Variants in SHISA9 observed in about 807,000 individuals in gnomAD.
SHISA9 encodes the protein protein shisa-9.
In SHISA9, 13 loss-of-function variants were observed where a neutral mutation model predicts 38.0. That is an observed-to-expected ratio of 0.34 (90% CI 0.22 to 0.54). The LOEUF is 0.54. SHISA9 is among the 20% of genes least tolerant of loss of function. SHISA9 has a pLI of 0.91. For missense variants in SHISA9, 538 were observed against 575.8 expected, an observed-to-expected ratio of 0.93 and a Z score of 0.67; for synonymous variants, 275 against 242.0, an observed-to-expected ratio of 1.14 and a Z score of -1.27.
the SHISA9 span, among the ~76,000 whole-genome samples, chr16:13,294,167 G>A: frequency 3.3e-5 from 5 of 152,098 alleles, no homozygotes; most frequent in African/African-American, 1.2e-4. Context: ...GGGTTTCATT[G>A]GCCAGTTTAT....
chr16:13,338,068 C>A, the SHISA9 span, among the ~76,000 whole-genome samples: 1 of 152,132 alleles, frequency 6.6e-6, no homozygotes, highest in Non-Finnish European at 1.5e-5. Context: ...AAAGAGGCAC[C>A]ACCTTTACTC....
At chr16:13,249,021 C>T in the SHISA9 span, among the ~76,000 whole-genome samples, 2 of 152,152 alleles carry the variant, frequency 1.3e-5, no homozygotes, top group Non-Finnish European at 2.9e-5. Flanking sequence ...TACTCTGGCT[C>T]ATTGCATGTT....
chr16:13,037,965 A>G (rs559763813), intron 2 of SHISA9, among the ~76,000 whole-genome samples: 3 of 152,270 alleles, frequency 2.0e-5, no homozygotes, highest in East Asian at 3.9e-4. Context: ...GCATCGTGCT[A>G]TGCTGAACTT....
At chr16:13,285,251 C>A in the SHISA9 span, among the ~76,000 whole-genome samples, 1 of 152,272 alleles carries the variant, frequency 6.6e-6, no homozygotes, top group East Asian at 1.9e-4. Flanking sequence ...TTTCCTTACA[C>A]ATGATTTGTT....
chr16:13,551,165 C>T, the SHISA9 span, among the ~76,000 whole-genome samples: 1 of 151,830 alleles, frequency 6.6e-6, no homozygotes. Context: ...GATAAAAATC[C>T]ACTGAAGATC....
intron 2 of SHISA9, among the ~76,000 whole-genome samples, chr16:13,051,735 C>T (rs79478218): frequency 0.021 from 3,222 of 152,132 alleles, 94 homozygotes; most frequent in East Asian, 0.12. Flanking sequence ...TTCAATTACT[C>T]CCCTGTACAG....
intron 2 of SHISA9, 100 bp downstream of exon 2, chr16:12,916,915 T>C (rs2071266461): frequency 7.6e-7 from 1 of 1,313,310 alleles, no homozygotes. Flanking sequence ...AGTTAAGAGC[T>C]CTTTGTGGGC....
At chr16:12,981,667 C>G (rs939619263) in intron 2 of SHISA9, among the ~76,000 whole-genome samples, 1 of 152,176 alleles carries the variant, frequency 6.6e-6, no homozygotes, top group Non-Finnish European at 1.5e-5. Flanking sequence ...ATTGTGTCTT[C>G]TTGCCCACAA....
chr16:13,122,709 C>G (rs534023445), intron 2 of SHISA9, among the ~76,000 whole-genome samples: 46 of 152,254 alleles, frequency 3.0e-4, no homozygotes, highest in African/African-American at 1.1e-3. Context: ...AGTATGTTTT[C>G]TTTTTTCATA....
the SHISA9 span, among the ~76,000 whole-genome samples, chr16:13,327,187 T>C: frequency 1.3e-5 from 2 of 152,172 alleles, no homozygotes; most frequent in Admixed American, 1.3e-4. Flanking sequence ...CTACCAGCCT[T>C]TCTCCCTGCC....
chr16:13,161,584 C>T (rs990695900), intron 2 of SHISA9, among the ~76,000 whole-genome samples: 1 of 152,184 alleles, frequency 6.6e-6, no homozygotes, highest in Non-Finnish European at 1.5e-5. Context: ...CAGCCATCCC[C>T]TCCTACGTTG....
the SHISA9 span, among the ~76,000 whole-genome samples, chr16:13,330,068 A>G: frequency 2.0e-5 from 3 of 152,328 alleles, no homozygotes; most frequent in South Asian, 4.1e-4. Context: ...TGTCCATCTC[A>G]GGGCTAACAC....
chr16:12,982,706 GT>G (rs2072256353), intron 2 of SHISA9, among the ~76,000 whole-genome samples: 1 of 152,156 alleles, frequency 6.6e-6, no homozygotes, highest in Admixed American at 6.5e-5. Context: ...AGCACTCCTT[GT>G]TTCTCTCAGC....
At chr16:13,125,875 C>T (rs994138634) in intron 2 of SHISA9, among the ~76,000 whole-genome samples, 5 of 152,188 alleles carry the variant, frequency 3.3e-5, no homozygotes, top group African/African-American at 7.2e-5. Flanking sequence ...GAGCATTGAT[C>T]AGCTCTGAGG....
At chr16:13,512,946 T>C in the SHISA9 span, among the ~76,000 whole-genome samples, 1 of 152,174 alleles carries the variant, frequency 6.6e-6, no homozygotes, top group Non-Finnish European at 1.5e-5. Context: ...GACATAGGCA[T>C]GGGCAAAGAC....
intron 2 of SHISA9, among the ~76,000 whole-genome samples, chr16:13,117,272 G>A (rs1489610471): frequency 6.6e-6 from 1 of 152,108 alleles, no homozygotes. Flanking sequence ...ACTGTGCCTC[G>A]CCTATTTTAT....
chr16:13,117,456 G>C (rs574787635), intron 2 of SHISA9, among the ~76,000 whole-genome samples: 11 of 152,254 alleles, frequency 7.2e-5, no homozygotes, highest in African/African-American at 2.4e-4. Context: ...GACTTTATTT[G>C]GTAAAAAGGG....
intron 2 of SHISA9, among the ~76,000 whole-genome samples, chr16:13,009,394 G>GCT (rs1346909573): frequency 6.6e-6 from 1 of 152,142 alleles, no homozygotes; most frequent in Non-Finnish European, 1.5e-5. Flanking sequence ...AGATGAGAAT[G>GCT]CACACACCTT....
chr16:13,309,113 G>A, the SHISA9 span, among the ~76,000 whole-genome samples: 1 of 152,066 alleles, frequency 6.6e-6, no homozygotes, highest in Non-Finnish European at 1.5e-5. Flanking sequence ...CAGCATAAAG[G>A]TCAATGTGGT....
Sources: gnomAD v4.1 joint callset for allele counts (sites outside exome capture counted in the v4.1 genomes callset) on GRCh38, gnomAD v4.1.1 for gene constraint, MANE v1.5 for transcripts, NCBI Gene and HGNC (gene_info 2026-07-23, HGNC 2026-07-21) for gene names.